SYAP1: variants seen among roughly 807,000 people sequenced by gnomAD.
SYAP1 encodes the protein synapse-associated protein 1.
In SYAP1, 3 loss-of-function variants were observed where a neutral mutation model predicts 29.6. The ratio of observed to expected loss-of-function variants is 0.10; its 90% CI spans 0.05 to 0.26. The LOEUF (loss-of-function observed/expected upper bound fraction) is 0.26. Among genes scored for constraint, SYAP1 ranks in the 10% least tolerant of loss-of-function variants. The probability of loss-of-function intolerance (pLI) is 1.00; values close to 1 mark genes in which losing one functional copy is unlikely to be tolerated. For synonymous variants in SYAP1, 102 were observed against 102.7 expected, an observed-to-expected ratio of 0.99 and a Z score of 0.04; for missense variants, 217 against 264.1, an observed-to-expected ratio of 0.82 and a Z score of 1.24.
chrX:16,758,423 C>T (rs1485805586), intron 8 of SYAP1, among the ~76,000 whole-genome samples: 8 of 108,708 alleles, frequency 7.4e-5, no homozygotes. Context: ...TCACGGCTCA[C>T]TGCAACCTCC....
Position 16,760,670 on chromosome X carries a change from C to A in SYAP1, c.*311C>A. ...TTTAGAGTTCTGTTTTCCATGAGGT[C>A]AAAAATATAATTTATTCCTCAGTCA... is the stretch of plus-strand genomic sequence containing the variant. On this transcript the variant is annotated 3_prime_UTR_variant, in exon 9 of 9. Transcript: ENST00000380155. The A allele has an allele frequency of 7.9e-6, 1 of 126,049 alleles. No homozygotes were observed. The highest frequency in any genetic ancestry group is 1.6e-5 in the Non-Finnish European group (1 of 62,368). The allele number at this position is 126,049 out of a possible 1,213,427, so 10.4% of individuals were successfully genotyped here.
intron 1 of SYAP1, among the ~76,000 whole-genome samples, chrX:16,722,843 C>T (rs1234054321): frequency 8.9e-6 from 1 of 112,361 alleles, no homozygotes; most frequent in African/African-American, 3.2e-5. Context: ...CCTCAAGGCC[C>T]CATGCCGTTA....
At chrX:16,719,963 G>T in intron 1 of SYAP1, 64 bp downstream of exon 1, 1 of 1,093,363 alleles carries the variant, frequency 9.1e-7, no homozygotes, top group Non-Finnish European at 1.2e-6. Context: ...GGACGGCCCT[G>T]GGGCGCGGGC....
chrX:16,740,813 G>A (rs1449383591), intron 3 of SYAP1, among the ~76,000 whole-genome samples: 1 of 111,629 alleles, frequency 9.0e-6, no homozygotes, highest in Non-Finnish European at 1.9e-5. Context: ...AGTTGACCCA[G>A]TAATGTCCTT....
chrX:16,761,346 A>G lies in SYAP1; in HGVS notation c.*987A>G, dbSNP rs1926981840. The G allele has an allele frequency of 9.1e-6, 1 of 109,858 alleles. No individual in the cohort carries two copies. Among genetic ancestry groups the G allele is most frequent in the African/African-American group, 3.3e-5 (1 of 30,207 alleles). The allele number at this position is 109,858 out of a possible 1,213,427, so 9.1% of individuals were successfully genotyped here. A position where few individuals can be genotyped will look rare whatever the true frequency, so the allele number is the denominator to read the frequency against. Reference sequence around the variant, plus strand: ...AAGTGGGACCTTCCATACTTTTTGTATTACAATAACCTTCAGAAGCCCATT... The same window carrying G: ...AAGTGGGACCTTCCATACTTTTTGTGTTACAATAACCTTCAGAAGCCCATT... On this transcript the variant is annotated 3_prime_UTR_variant, in exon 9 of 9. Transcript: ENST00000380155.
chrX:16,755,606 C>T (rs1350286188), intron 6 of SYAP1, among the ~76,000 whole-genome samples: 2 of 110,897 alleles, frequency 1.8e-5, no homozygotes, highest in Non-Finnish European at 3.8e-5. Context: ...TGATGTTTCT[C>T]CAGTGTGTGT....
At chrX:16,740,366 T>C (rs1325634171) in intron 3 of SYAP1, among the ~76,000 whole-genome samples, 1 of 104,616 alleles carries the variant, frequency 9.6e-6, no homozygotes, top group African/African-American at 3.5e-5. Context: ...TTTTAGCTCC[T>C]GAAAACCCTC....
At chrX:16,742,758 C>T (rs370386254) in intron 4 of SYAP1, among the ~76,000 whole-genome samples, 4 of 110,679 alleles carry the variant, frequency 3.6e-5, no homozygotes, top group African/African-American at 9.8e-5. Context: ...GGACGATAGG[C>T]GTAAGCCACC....
At chrX:16,720,304 C>G (rs979536369) in intron 1 of SYAP1, among the ~76,000 whole-genome samples, 4 of 112,239 alleles carry the variant, frequency 3.6e-5, no homozygotes, top group African/African-American at 1.3e-4. Flanking sequence ...TTTTTTGCCC[C>G]TAGGTCAGAA....
rs765221769 is a variant in SYAP1, at chrX:16,764,695, A to AT, written c.*4347dup. On this transcript the variant is annotated 3_prime_UTR_variant, in exon 9 of 9. Transcript: ENST00000380155. The stretch of plus-strand genomic sequence containing the variant: ...AACTTTTAAAAATAAAAGTGGTAGA[A>AT]TTTTTTTTTTTCTTTTTGAGACAGG... 9 of 100,973 alleles carry AT rather than the reference A, an allele frequency of 8.9e-5. No individual in the cohort carries two copies. The highest frequency in any genetic ancestry group is 1.1e-4 in the Admixed American group (1 of 9,173). 8.3% of individuals were successfully genotyped at this position (100,973 alleles called of 1,213,427 possible).
Position 16,760,531 on chromosome X carries a change from C to A in SYAP1, c.*172C>A. ...TTCTACTTTAAAAAAGTATATAGAA[C>A]AGTTACTTCTAATAATCAGAAAGAG... On this transcript the variant is annotated 3_prime_UTR_variant, in exon 9 of 9. Coordinates refer to ENST00000380155, the MANE Select transcript of SYAP1 (RefSeq NM_032796.4). 1 of 337,651 alleles carries A rather than the reference C, an allele frequency of 3.0e-6. No homozygotes were observed. Among genetic ancestry groups the A allele is most frequent in the Non-Finnish European group, 4.8e-6 (1 of 209,350 alleles). The allele number at this position is 337,651 out of a possible 1,213,427, so 27.8% of individuals were successfully genotyped here. A position where few individuals can be genotyped will look rare whatever the true frequency, so the allele number is the denominator to read the frequency against.
intron 1 of SYAP1, among the ~76,000 whole-genome samples, chrX:16,725,627 T>C (rs1926068814): frequency 8.9e-6 from 1 of 112,500 alleles, no homozygotes; most frequent in Admixed American, 9.5e-5. Flanking sequence ...CAGGCCACTC[T>C]AATAACTCTC....
chrX:16,731,090 T>G (rs1376672427), intron 1 of SYAP1, among the ~76,000 whole-genome samples: 1 of 112,239 alleles, frequency 8.9e-6, no homozygotes, highest in African/African-American at 3.2e-5. Context: ...ATTTCCTGGT[T>G]TCTTTTACCA....
intron 1 of SYAP1, among the ~76,000 whole-genome samples, chrX:16,734,521 G>T (rs1430995059): frequency 9.0e-6 from 1 of 111,317 alleles, no homozygotes; most frequent in African/African-American, 3.3e-5. Context: ...GAACAGGAGG[G>T]AAGGAGGAGA....
chrX:16,733,064 A>G (rs966669532), intron 1 of SYAP1, among the ~76,000 whole-genome samples: 1 of 111,932 alleles, frequency 8.9e-6, no homozygotes, highest in Non-Finnish European at 1.9e-5. Flanking sequence ...GGAGACCCAC[A>G]GCATATGGAG....
intron 1 of SYAP1, among the ~76,000 whole-genome samples, chrX:16,728,532 G>A (rs1360819267): frequency 2.7e-5 from 3 of 110,413 alleles, no homozygotes; most frequent in African/African-American, 6.6e-5. Flanking sequence ...AGGCATGATG[G>A]CGGGTACCTG....
chrX:16,740,547 G>A (rs953276772), intron 3 of SYAP1, among the ~76,000 whole-genome samples: 5 of 109,696 alleles, frequency 4.6e-5, no homozygotes, highest in African/African-American at 6.6e-5. Context: ...CAGAAGAGTC[G>A]CAAGAATAAA....
intron 5 of SYAP1, among the ~76,000 whole-genome samples, chrX:16,748,759 T>C (rs867262659): frequency 8.8e-5 from 8 of 91,207 alleles, no homozygotes; most frequent in African/African-American, 3.1e-4. Flanking sequence ...CTTTTTTTTT[T>C]CTTTTTTTTT....
Position 16,760,533 on chromosome X carries a change from GTTAC to G in SYAP1, c.*177_*180del, listed in dbSNP as rs769485267. The G allele has an allele frequency of 3.1e-6, 1 of 318,962 alleles. No individual in the cohort carries two copies. Among genetic ancestry groups the G allele is most frequent in the Non-Finnish European group, 5.1e-6 (1 of 196,804 alleles). 26.3% of individuals were successfully genotyped at this position (318,962 alleles called of 1,213,427 possible). ...CTACTTTAAAAAAGTATATAGAACA[GTTAC>G]TTCTAATAATCAGAAAGAGATGTTT... On this transcript the variant is annotated 3_prime_UTR_variant, in exon 9 of 9. Coordinates refer to ENST00000380155, the MANE Select transcript of SYAP1 (RefSeq NM_032796.4).
Sources: allele counts gnomAD v4.1 joint callset (sites outside exome capture counted in the v4.1 genomes callset), GRCh38; gene constraint gnomAD v4.1.1; transcripts MANE v1.5; gene names NCBI Gene and HGNC (gene_info 2026-07-23, HGNC 2026-07-21).